DLGAP2: variants seen among roughly 807,000 people sequenced by gnomAD.
The protein encoded by DLGAP2 is DLG associated protein 2.
A neutral mutation model predicts 100.3 loss-of-function variants in DLGAP2; 26 were observed. The ratio of observed to expected loss-of-function variants is 0.26; its 90% CI spans 0.19 to 0.36. The LOEUF is 0.36. Among genes scored for constraint, DLGAP2 ranks in the 10% least tolerant of loss-of-function variants. The pLI is 1.00. For synonymous variants in DLGAP2, 886 were observed against 630.1 expected (o/e 1.41, Z -6.08); for missense variants, 1,858 against 1,453.2 (o/e 1.28, Z -4.53).
rs182501737 is a variant in DLGAP2, at chr8:1,424,392, C to T, written c.107-76974C>T. Among the ~76,000 whole-genome samples, 195 of 152,276 alleles carry T rather than the reference C, an allele frequency of 1.3e-3. 2 individuals are homozygous for T. The highest frequency in any genetic ancestry group is 4.5e-3 in the African/African-American group (188 of 41,542). On this transcript the variant is annotated intron_variant, in intron 3 of 14. Transcript: ENST00000637795. ...CTCATTTTTCTTTGGCCAGAGCATA[C>T]TGATATTGGCATATGGGGTGGTTGT...
At chr8:1,301,765 A>G (rs1800347966) in intron 3 of DLGAP2, 3 of 152,290 alleles carry the variant, frequency 2.0e-5, no homozygotes, top group Admixed American at 2.0e-4. Flanking sequence ...TGTTCTCGCC[A>G]CAGCACCCCT....
intron 2 of DLGAP2, among the ~76,000 whole-genome samples, chr8:1,129,568 G>C (rs1353018568): frequency 6.6e-6 from 1 of 152,122 alleles, no homozygotes; most frequent in Non-Finnish European, 1.5e-5. Flanking sequence ...TATTTCGAGA[G>C]GGGCACCTGC....
chr8:977,748 GC>G (rs879655141), intron 2 of DLGAP2, among the ~76,000 whole-genome samples: 3,745 of 144,620 alleles, frequency 0.026, 658 homozygotes, highest in Admixed American at 0.04. Flanking sequence ...GCAGTGAGGG[GC>G]TGGGTTCTGG....
intron 2 of DLGAP2, among the ~76,000 whole-genome samples, chr8:920,207 C>G: frequency 6.6e-6 from 1 of 152,218 alleles, no homozygotes; most frequent in Non-Finnish European, 1.5e-5. Flanking sequence ...ACATGGTGCC[C>G]AGGGTCGTGC....
At chr8:1,117,456 G>A (rs1805154124) in intron 2 of DLGAP2, among the ~76,000 whole-genome samples, 1 of 152,228 alleles carries the variant, frequency 6.6e-6, no homozygotes, top group African/African-American at 2.4e-5. Context: ...CAGGCTCACG[G>A]TGGGAAGATG....
At chr8:1,464,250 ACGGCTCCCTTC>A (rs1798547552) in intron 3 of DLGAP2, among the ~76,000 whole-genome samples, 2 of 134,702 alleles carry the variant, frequency 1.5e-5, no homozygotes, top group East Asian at 2.1e-4. Flanking sequence ...CCCTTCCAGG[ACGGCTCCCTTC>A]CAGGACGGCA....
rs1414571898 is a variant in DLGAP2, at chr8:1,175,354, C to G, written c.74-83497C>G. Among the ~76,000 whole-genome samples, 7 of 152,240 alleles carry G rather than the reference C, an allele frequency of 4.6e-5. No individual in the cohort carries two copies. The South Asian group carries it at 1.2e-3, about 27-fold the overall frequency. On this transcript the variant is annotated intron_variant, in intron 2 of 14. Transcript: ENST00000637795. The stretch of plus-strand genomic sequence containing the variant: ...TTTTCTGTGAATCTCTGTAGCACAT[C>G]TAATCTAAAAGAGTCCAGAAGAATA...
At chr8:762,903 C>T (rs1287915801) in intron 1 of DLGAP2, among the ~76,000 whole-genome samples, 1 of 152,090 alleles carries the variant, frequency 6.6e-6, no homozygotes, top group Non-Finnish European at 1.5e-5. Context: ...GTCTCCTACT[C>T]CTGGGCTCAA....
chr8:1,107,048 C>T (rs1216008513), intron 2 of DLGAP2, among the ~76,000 whole-genome samples: 1 of 152,142 alleles, frequency 6.6e-6, no homozygotes, highest in Non-Finnish European at 1.5e-5. Flanking sequence ...AGTGAGTGTA[C>T]TGACAATGCA....
chr8:1,538,192 C>T (rs1207274050), intron 4 of DLGAP2, among the ~76,000 whole-genome samples: 1 of 152,120 alleles, frequency 6.6e-6, no homozygotes, highest in East Asian at 1.9e-4. Flanking sequence ...TTCCTGTTTT[C>T]TCTCCCATTC....
chr8:1,235,283 G>A (rs942821849), intron 2 of DLGAP2, among the ~76,000 whole-genome samples: 36 of 149,438 alleles, frequency 2.4e-4, no homozygotes, highest in South Asian at 6.5e-4. Flanking sequence ...ACATGGCGTC[G>A]TGTCTAGTTC....
chr8:943,569 C>T (rs928620308), intron 2 of DLGAP2, among the ~76,000 whole-genome samples: 3 of 151,936 alleles, frequency 2.0e-5, no homozygotes, highest in Non-Finnish European at 4.4e-5. Flanking sequence ...GTGGCCATCC[C>T]GCCACAAGCA....
At chr8:809,813 T>G (rs1796338472) in intron 1 of DLGAP2, among the ~76,000 whole-genome samples, 1 of 152,152 alleles carries the variant, frequency 6.6e-6, no homozygotes, top group African/African-American at 2.4e-5. Flanking sequence ...GTGATGAGTT[T>G]TCTCTGTTTC....
At chr8:888,910 G>C (rs1021857162) in intron 1 of DLGAP2, among the ~76,000 whole-genome samples, 26 of 152,282 alleles carry the variant, frequency 1.7e-4, no homozygotes, top group African/African-American at 5.5e-4. Context: ...CCACCAAACA[G>C]GTTTTGTGTG....
In DLGAP2 at chr8:1,702,344, G is replaced by C. The variant is rs1453767997; in HGVS notation, c.*938G>C. 1 of 146,784 alleles carries C rather than the reference G, an allele frequency of 6.8e-6. No homozygotes were observed. The highest frequency in any genetic ancestry group is 1.5e-5 in the Non-Finnish European group (1 of 66,622). The allele number at this position is 146,784 out of a possible 1,614,324, so 9.1% of individuals were successfully genotyped here. ...ATATTCTCAAATTGCTCTATCAGCT[G>C]ACTTTTCAGGGTATCCTTAAAAAAA... On this transcript the variant is annotated 3_prime_UTR_variant, in exon 15 of 15. Transcript: ENST00000637795.
intron 3 of DLGAP2, among the ~76,000 whole-genome samples, chr8:1,373,983 G>A (rs1293982915): frequency 6.6e-6 from 1 of 152,090 alleles, no homozygotes; most frequent in East Asian, 1.9e-4. Context: ...TAACCCAATA[G>A]ATCACAAAAT....
intron 3 of DLGAP2, among the ~76,000 whole-genome samples, chr8:1,457,196 C>A (rs1421330267): frequency 2.0e-5 from 3 of 152,258 alleles, no homozygotes; most frequent in African/African-American, 7.2e-5. Flanking sequence ...CGTTTTCATC[C>A]CATTTTATTT....
intron 1 of DLGAP2, among the ~76,000 whole-genome samples, chr8:742,768 C>G (rs75508775): frequency 1.3e-4 from 20 of 152,022 alleles, no homozygotes; most frequent in Admixed American, 3.3e-4. Context: ...CTGGCCTCCT[C>G]AAGTGCTGGG....
intron 3 of DLGAP2, among the ~76,000 whole-genome samples, chr8:1,501,140 A>C (rs2130322014): frequency 6.6e-6 from 1 of 152,302 alleles, no homozygotes; most frequent in African/African-American, 2.4e-5. Flanking sequence ...TCTAGGTGGG[A>C]GAAATACGTG....
Sources: allele counts gnomAD v4.1 joint callset (sites outside exome capture counted in the v4.1 genomes callset), GRCh38; gene constraint gnomAD v4.1.1; transcripts MANE v1.5; gene names NCBI Gene and HGNC (gene_info 2026-07-23, HGNC 2026-07-21).